COL26A1: variants seen among roughly 807,000 people sequenced by gnomAD.
The protein encoded by COL26A1 is collagen type XXVI alpha 1 chain, also known as collagen alpha-1(XXVI) chain.
In COL26A1, 41 loss-of-function variants were observed where a neutral mutation model predicts 59.3. That is an observed-to-expected ratio of 0.69 (90% CI 0.54 to 0.90). COL26A1 has a LOEUF of 0.90. COL26A1 is among the 40% of genes least tolerant of loss of function. The probability of loss-of-function intolerance (pLI) is 0.00; values close to 1 mark genes in which losing one functional copy is unlikely to be tolerated. For missense variants in COL26A1, 612 were observed against 602.3 expected, an observed-to-expected ratio of 1.02 and a Z score of -0.17; for synonymous variants, 266 against 256.0, an observed-to-expected ratio of 1.04 and a Z score of -0.37.
chr7:101,545,303 G>A lies in COL26A1; in HGVS notation c.704-35G>A, dbSNP rs367876609. 7 of 1,528,522 alleles carry A rather than the reference G, an allele frequency of 4.6e-6. No homozygotes were observed. In the African/African-American group the frequency reaches 5.7e-5, roughly 12 times the overall value. The allele number at this position is 1,528,522 out of a possible 1,614,324, so 94.7% of individuals were successfully genotyped here. A position where few individuals can be genotyped will look rare whatever the true frequency, so the allele number is the denominator to read the frequency against. On this transcript the variant is annotated intron_variant, in intron 6 of 12. Coordinates refer to ENST00000313669, the MANE Select transcript of COL26A1 (RefSeq NM_001278563.3). ...AAGTTGCAGCCACCCGCCAGGCTCCGGCTGCCACAGTGACTGTTCTTTTCC... is the reference window on the plus strand; with the variant it reads ...AAGTTGCAGCCACCCGCCAGGCTCCAGCTGCCACAGTGACTGTTCTTTTCC...
chr7:101,450,792 GTCTATA>G (rs1793315250), intron 3 of COL26A1, among the ~76,000 whole-genome samples: 1 of 142,164 alleles, frequency 7.0e-6, no homozygotes, highest in Non-Finnish European at 1.5e-5. Context: ...GAATTCCATA[GTCTATA>G]TGAATATGAA....
intron 3 of COL26A1, among the ~76,000 whole-genome samples, chr7:101,523,078 T>A (rs911226672): frequency 2.6e-5 from 4 of 152,050 alleles, no homozygotes; most frequent in Non-Finnish European, 5.9e-5. Context: ...ATTCTTTTTT[T>A]TTTTTTTTGA....
intron 3 of COL26A1, among the ~76,000 whole-genome samples, chr7:101,482,132 G>A (rs942101501): frequency 2.6e-5 from 4 of 151,496 alleles, no homozygotes; most frequent in Non-Finnish European, 4.4e-5. Context: ...TTCTCCTCCC[G>A]AGTAGCTGAG....
intron 3 of COL26A1, among the ~76,000 whole-genome samples, chr7:101,495,168 G>T (rs1301025882): frequency 6.6e-6 from 1 of 152,162 alleles, no homozygotes; most frequent in African/African-American, 2.4e-5. Flanking sequence ...TCAGGTAGAG[G>T]AGCCATCAGT....
chr7:101,405,185 T>A (rs1190501798), intron 1 of COL26A1, among the ~76,000 whole-genome samples: 1 of 151,910 alleles, frequency 6.6e-6, no homozygotes, highest in Non-Finnish European at 1.5e-5. Flanking sequence ...ATCGCGCCAC[T>A]GCACTCCAGC....
chr7:101,531,515 A>G (rs2130636234), intron 3 of COL26A1, among the ~76,000 whole-genome samples: 1 of 152,316 alleles, frequency 6.6e-6, no homozygotes, highest in South Asian at 2.1e-4. Context: ...GAGGAGAAAG[A>G]GTTCTATTCC....
intron 1 of COL26A1, among the ~76,000 whole-genome samples, chr7:101,386,576 GA>G (rs1791582510): frequency 6.6e-6 from 1 of 152,116 alleles, no homozygotes; most frequent in Non-Finnish European, 1.5e-5. Context: ...CCCTGTCCCA[GA>G]AGGTTATGTC....
At chr7:101,551,312 G>T (rs2130681278) in intron 10 of COL26A1, among the ~76,000 whole-genome samples, 169 bp downstream of exon 10, 1 of 152,320 alleles carries the variant, frequency 6.6e-6, no homozygotes. Context: ...GCCTCCTGCT[G>T]CGGGGTGAGG....
intron 3 of COL26A1, among the ~76,000 whole-genome samples, chr7:101,517,927 C>T (rs2130602461): frequency 6.6e-6 from 1 of 151,074 alleles, no homozygotes; most frequent in Admixed American, 6.6e-5. Flanking sequence ...GATCCTCCCA[C>T]CTCGGCCTCC....
At chr7:101,436,213 T>C (rs991376661) in intron 2 of COL26A1, among the ~76,000 whole-genome samples, 6 of 152,086 alleles carry the variant, frequency 3.9e-5, no homozygotes, top group African/African-American at 1.4e-4. Flanking sequence ...TCCGTCTGGC[T>C]CTCGGGAACG....
At chr7:101,554,612 T>C (rs1008641924) in intron 11 of COL26A1, among the ~76,000 whole-genome samples, 15 of 146,168 alleles carry the variant, frequency 1.0e-4, no homozygotes, top group African/African-American at 3.8e-4. Flanking sequence ...GGCGTGGTAG[T>C]GTGTGCTTAT....
intron 3 of COL26A1, among the ~76,000 whole-genome samples, chr7:101,476,657 C>T (rs1168202357): frequency 6.6e-6 from 1 of 151,238 alleles, no homozygotes; most frequent in Non-Finnish European, 1.5e-5. Context: ...ATGTCATTCT[C>T]CTGCCTCAGC....
At chr7:101,381,627 A>G (rs1212191766) in intron 1 of COL26A1, among the ~76,000 whole-genome samples, 1 of 152,180 alleles carries the variant, frequency 6.6e-6, no homozygotes, top group Non-Finnish European at 1.5e-5. Context: ...ATTAAACTCT[A>G]AGCCTCAAGC....
At chr7:101,463,884 T>C (rs1428860812) in intron 3 of COL26A1, among the ~76,000 whole-genome samples, 7 of 95,458 alleles carry the variant, frequency 7.3e-5, no homozygotes, top group African/African-American at 3.8e-4. Context: ...TTTCTTTCTT[T>C]CTTTCTTTCT....
chr7:101,498,473 C>T lies in COL26A1; in HGVS notation c.386-34609C>T, dbSNP rs143053813. ...GGTGTGCACAGCCCGCAGAGTGTGG[C>T]ATGAGCACTGCGCAAGAATTGGGAG... On this transcript the variant is annotated intron_variant, in intron 3 of 12. Coordinates refer to ENST00000313669, the MANE Select transcript of COL26A1 (RefSeq NM_001278563.3). Among the ~76,000 whole-genome samples, 360 of 152,292 alleles carry T rather than the reference C, an allele frequency of 2.4e-3. 1 individual carries two copies. Among genetic ancestry groups the T allele is most frequent in the African/African-American group, 8.3e-3 (346 of 41,558 alleles).
intron 8 of COL26A1, 142 bp downstream of exon 8, chr7:101,547,381 G>A (rs1281279849): frequency 1.5e-5 from 8 of 533,032 alleles, no homozygotes; most frequent in Admixed American, 3.6e-5. Context: ...TGTCCCACCC[G>A]CTGTGTGGCA....
At chr7:101,413,247 G>T (rs1233905321) in intron 1 of COL26A1, among the ~76,000 whole-genome samples, 1 of 151,996 alleles carries the variant, frequency 6.6e-6, no homozygotes, top group African/African-American at 2.4e-5. Context: ...GGCCGGGCGC[G>T]GTGGCTCGTG....
intron 3 of COL26A1, among the ~76,000 whole-genome samples, chr7:101,514,887 T>A (rs1384163140): frequency 1.3e-5 from 2 of 152,206 alleles, no homozygotes; most frequent in Non-Finnish European, 2.9e-5. Context: ...TAGGCTCCCT[T>A]CCCGGCTCCT....
rs781064459 is a variant in COL26A1 at position 101,420,117 on chromosome 7, A to G, written c.281+18A>G. ...CTCGTAAGGTAAAGGCCGCTGGGCT[A>G]GGCTGCTCTGCCCTTCCCTCCCATT... On this transcript the variant is annotated intron_variant, in intron 2 of 12. Coordinates refer to ENST00000313669, the MANE Select transcript of COL26A1 (RefSeq NM_001278563.3). The G allele has an allele frequency of 5.0e-6, 8 of 1,611,034 alleles. No individual in the cohort carries two copies. In the South Asian group the frequency reaches 7.7e-5, roughly 15 times the overall value.
Sources: allele counts gnomAD v4.1 joint callset (sites outside exome capture counted in the v4.1 genomes callset), GRCh38; gene constraint gnomAD v4.1.1; transcripts MANE v1.5; gene names NCBI Gene and HGNC (gene_info 2026-07-23, HGNC 2026-07-21).